RREB1: variants seen among roughly 807,000 people sequenced by gnomAD.
The protein encoded by RREB1 is ras responsive element binding protein 1, also known as ras-responsive element-binding protein 1.
RREB1 carries 27 observed loss-of-function variants against 117.8 expected under a neutral mutation model. The observed-to-expected ratio is 0.23, with a 90% CI of 0.17 to 0.32. RREB1 has a LOEUF of 0.32. Among genes scored for constraint, RREB1 ranks in the 10% least tolerant of loss-of-function variants. The pLI is 1.00. For synonymous variants in RREB1, 1,298 were observed against 1,026.7 expected, an observed-to-expected ratio of 1.26 and a Z score of -5.05; for missense variants, 2,577 against 2,378.2, an observed-to-expected ratio of 1.08 and a Z score of -1.74.
chr6:7,181,805 C>T lies in RREB1; in HGVS notation c.-42-65C>T, dbSNP rs537340732. Reference sequence around the variant, plus strand: ...TTACAATTAGAGTAGCCATGGCCAGCGCCCCCTGGCAATGACAGAAGCCTA... The same window carrying T: ...TTACAATTAGAGTAGCCATGGCCAGTGCCCCCTGGCAATGACAGAAGCCTA... On this transcript the variant is annotated intron_variant, in intron 3 of 12. Coordinates refer to ENST00000379938, the MANE Select transcript of RREB1 (RefSeq NM_001003699.4). The T allele has an allele frequency of 3.8e-5, 43 of 1,127,000 alleles. 1 individual carries two copies. The Admixed American group carries it at 6.3e-4, about 17-fold the overall frequency. 69.8% of individuals were successfully genotyped at this position (1,127,000 alleles called of 1,614,324 possible).
chr6:7,157,874 AATGCCTTCACATTTGTCTGG>A (rs533330106), intron 1 of RREB1, among the ~76,000 whole-genome samples: 133 of 152,084 alleles, frequency 8.7e-4, no homozygotes, highest in African/African-American at 3.0e-3. Context: ...ACTCGCTGCT[AATGCCTTCACATTTGTCTGG>A]ATTCCTGCCT....
rs141330588 is a variant in RREB1, at chr6:7,231,781, G to C, written c.3682G>C (p.Glu1228Gln). ...PSDEEQGSPP[E>Q]DKLLRAKRNS... is the part of the protein sequence containing the mutation. ...TGATGAAGAGCAGGGCAGTCCCCCA[G>C]AAGACAAGCTGCTGAGGGCCAAGCG... The change falls in exon 10 of 13, where the codon GAA (glutamate) becomes CAA (glutamine). Residue 1228 changes from glutamate (E) to glutamine (Q), a missense_variant. Glu to Gln is a conservative substitution (Grantham distance 29, BLOSUM62 2). Coordinates refer to ENST00000379938, the MANE Select transcript of RREB1 (RefSeq NM_001003699.4). 1.2e-6 allele frequency: 2 copies of C among 1,613,806 alleles called. No individual in the cohort carries two copies. Among genetic ancestry groups the C allele is most frequent in the South Asian group, 2.2e-5 (2 of 91,084 alleles).
chr6:7,191,516 C>A (rs1414516636), intron 6 of RREB1, among the ~76,000 whole-genome samples: 1 of 152,052 alleles, frequency 6.6e-6, no homozygotes, highest in Non-Finnish European at 1.5e-5. Flanking sequence ...TATGGTAAAT[C>A]CATGTTTAAG....
chr6:7,160,632 C>T lies in RREB1; in HGVS notation c.-284-16023C>T, dbSNP rs554709189. 2.0e-5 allele frequency among the ~76,000 whole-genome samples: 3 copies of T among 152,272 alleles called. No homozygotes were observed. The South Asian group carries it at 6.2e-4, about 32-fold the overall frequency. On this transcript the variant is annotated intron_variant, in intron 1 of 12. Coordinates refer to ENST00000379938, the MANE Select transcript of RREB1 (RefSeq NM_001003699.4). ...TCAAACAATCCTCCCGGTTCAGCTT[C>T]CTGAGTAGCTGGGATTACAGGCGCA... is the stretch of plus-strand genomic sequence containing the variant.
At chr6:7,191,672 A>G (rs1765417336) in intron 6 of RREB1, among the ~76,000 whole-genome samples, 1 of 152,214 alleles carries the variant, frequency 6.6e-6, no homozygotes, top group South Asian at 2.1e-4. Flanking sequence ...TTTTCAGAGT[A>G]CAAGTTTTAT....
Position 7,231,234 on chromosome 6 carries a change from G to T in RREB1, c.3135G>T (p.Leu1045=). The part of the protein sequence containing the change: ...LLSGTALLRP[L]RPKPPLLLPK... ...GTGGCACAGCCTTGCTGCGTCCACT[G>T]CGGCCCAAGCCCCCGCTGCTTTTGC... The change falls in exon 10 of 13, where the codon CTG becomes CTT. Residue 1045 remains leucine (L), a synonymous_variant. Coordinates refer to ENST00000379938, the MANE Select transcript of RREB1 (RefSeq NM_001003699.4). 6.2e-7 allele frequency: 1 copy of T among 1,612,584 alleles called. No homozygotes were observed.
chr6:7,142,040 C>T (rs1158489564), intron 1 of RREB1, among the ~76,000 whole-genome samples: 1 of 151,388 alleles, frequency 6.6e-6, no homozygotes, highest in Non-Finnish European at 1.5e-5. Context: ...GGTGAAACCC[C>T]GTCTGTACTA....
At chr6:7,177,418 A>G (rs1764560563) in intron 2 of RREB1, among the ~76,000 whole-genome samples, 1 of 151,880 alleles carries the variant, frequency 6.6e-6, no homozygotes, top group Admixed American at 6.6e-5. Flanking sequence ...ATGTGTGTTA[A>G]AAACTGGAAC....
rs1769386853 is a variant in RREB1 at position 7,251,056 on chromosome 6, C to T, written c.*2088C>T. On this transcript the variant is annotated 3_prime_UTR_variant, in exon 13 of 13. Coordinates refer to ENST00000379938, the MANE Select transcript of RREB1 (RefSeq NM_001003699.4). ...TTTCTTGTGTTTTTTCTTTGCGACT[C>T]TCCACACTAAACTTGCAATATTGTG... 6.6e-6 allele frequency: 1 copy of T among 151,990 alleles called. No homozygotes were observed. Among genetic ancestry groups the T allele is most frequent in the Non-Finnish European group, 1.5e-5 (1 of 68,008 alleles). 9.4% of individuals were successfully genotyped at this position (151,990 alleles called of 1,614,324 possible). A position where few individuals can be genotyped will look rare whatever the true frequency, so the allele number is the denominator to read the frequency against.
chr6:7,108,898 C>T (rs924646042), intron 1 of RREB1, among the ~76,000 whole-genome samples: 3 of 151,492 alleles, frequency 2.0e-5, no homozygotes, highest in Non-Finnish European at 3.0e-5. Flanking sequence ...ACCACCGCCC[C>T]GGGGGGCCTG....
chr6:7,159,735 A>G (rs1204355191), intron 1 of RREB1, among the ~76,000 whole-genome samples: 2 of 152,210 alleles, frequency 1.3e-5, no homozygotes, highest in Non-Finnish European at 2.9e-5. Flanking sequence ...AAAGCCTGCC[A>G]GTCTCCTTAA....
chr6:7,233,070 ATTT>A (rs1768100187), intron 10 of RREB1, among the ~76,000 whole-genome samples: 1 of 151,824 alleles, frequency 6.6e-6, no homozygotes, highest in East Asian at 1.9e-4. Flanking sequence ...TAATTTTTGT[ATTT>A]TTAGTAGAGA....
At chr6:7,148,079 G>C (rs980664012) in intron 1 of RREB1, among the ~76,000 whole-genome samples, 5 of 152,136 alleles carry the variant, frequency 3.3e-5, no homozygotes, top group African/African-American at 1.2e-4. Context: ...ATGTGCTTGC[G>C]AGTGAGTGAG....
chr6:7,148,760 C>T (rs575750264), intron 1 of RREB1, among the ~76,000 whole-genome samples: 10 of 152,292 alleles, frequency 6.6e-5, no homozygotes, highest in Admixed American at 3.3e-4. Context: ...CCTTCCCCCT[C>T]AGTGATGTGC....
At chr6:7,213,074 T>G (rs2113624338) in intron 8 of RREB1, 1 of 152,344 alleles carries the variant, frequency 6.6e-6, no homozygotes, top group African/African-American at 2.4e-5. Flanking sequence ...CTCAGCCAGC[T>G]ACATCTGAAC....
chr6:7,205,027 A>G (rs1561779641), intron 6 of RREB1, among the ~76,000 whole-genome samples: 1 of 152,220 alleles, frequency 6.6e-6, no homozygotes, highest in Non-Finnish European at 1.5e-5. Flanking sequence ...CTGCTGGTAT[A>G]TTGGAAGATG....
Position 7,211,614 on chromosome 6 carries a change from T to A in RREB1, c.612T>A (p.Ala204=). 6.8e-6 allele frequency: 11 copies of A among 1,614,082 alleles called. No individual in the cohort carries two copies. The highest frequency in any genetic ancestry group is 9.3e-6 in the Non-Finnish European group (11 of 1,179,920). ...AGTCAGGTGACTTGGAGAAGAAAGC[T>A]GATGAAGTCTTTCACTGCCCAGTAT... ...DGQSGDLEKK[A]DEVFHCPVCF... is the part of the protein sequence containing the mutation. Residue 204 remains alanine, a synonymous_variant, in exon 8 of 13, where the codon GCT becomes GCA. Coordinates refer to ENST00000379938, the MANE Select transcript of RREB1 (RefSeq NM_001003699.4).
At position 7,251,974 on chromosome 6, in the gene RREB1, A is replaced by G. The variant is rs1769426588; in HGVS notation, c.*3006A>G. 1 of 152,236 alleles carries G rather than the reference A, an allele frequency of 6.6e-6. No individual in the cohort carries two copies. The highest frequency in any genetic ancestry group is 1.5e-5 in the Non-Finnish European group (1 of 68,052). The allele number at this position is 152,236 out of a possible 1,614,324, so 9.4% of individuals were successfully genotyped here. On this transcript the variant is annotated 3_prime_UTR_variant, in exon 13 of 13. Coordinates refer to ENST00000379938, the MANE Select transcript of RREB1 (RefSeq NM_001003699.4). ...TAAGCAATAAATGTTATATTTTAAA[A>G]GCTGCAGATTGCCGGTCACGTGGCC...
intron 1 of RREB1, among the ~76,000 whole-genome samples, chr6:7,155,620 G>A (rs1168118069): frequency 6.6e-6 from 1 of 152,228 alleles, no homozygotes; most frequent in Non-Finnish European, 1.5e-5. Context: ...CAGGACTTAA[G>A]TTTTAATAGA....
Sources: allele counts gnomAD v4.1 joint callset (sites outside exome capture counted in the v4.1 genomes callset), GRCh38; gene constraint gnomAD v4.1.1; transcripts MANE v1.5; gene names NCBI Gene and HGNC (gene_info 2026-07-23, HGNC 2026-07-21).